The following LIPI variants were observed in gnomAD, a reference collection of about 807,000 sequenced individuals.
LIPI encodes lipase I, also known as lipase member I.
In LIPI, 59 loss-of-function variants were observed where a neutral mutation model predicts 50.6. That is an observed-to-expected ratio of 1.16 (90% CI 0.94 to 1.45). The LOEUF (loss-of-function observed/expected upper bound fraction) is 1.45. Ranked by LOEUF, LIPI falls within the 40% of genes most tolerant of loss-of-function variation. The pLI, the probability that LIPI is intolerant of heterozygous loss-of-function variation, is 0.00. For missense variants in LIPI, 586 were observed against 536.3 expected (o/e 1.09, Z -0.92); for synonymous variants, 203 against 178.2 (o/e 1.14, Z -1.11).
chr21:14,134,659 C>T (rs2017423425), intron 9 of LIPI, among the ~76,000 whole-genome samples: 1 of 151,976 alleles, frequency 6.6e-6, no homozygotes, highest in African/African-American at 2.4e-5. Context: ...CAACTGATCT[C>T]CAACAAAGTC....
At chr21:14,205,804 T>C (rs1011641135) in intron 1 of LIPI, among the ~76,000 whole-genome samples, 4 of 152,210 alleles carry the variant, frequency 2.6e-5, no homozygotes, top group South Asian at 4.1e-4. Context: ...AAACTGAATA[T>C]ATCTAAAACA....
At chr21:14,196,657 T>A (rs1001114189) in intron 1 of LIPI, among the ~76,000 whole-genome samples, 1 of 151,948 alleles carries the variant, frequency 6.6e-6, no homozygotes, top group African/African-American at 2.4e-5. Flanking sequence ...CAAGATGATG[T>A]CTTTACAAAA....
chr21:14,149,697 A>G (rs1185046975), intron 8 of LIPI, among the ~76,000 whole-genome samples: 1 of 152,230 alleles, frequency 6.6e-6, no homozygotes, highest in Admixed American at 6.5e-5. Context: ...CAAAGGGGCT[A>G]CAGGCCCCAT....
At chr21:14,165,654 A>G (rs1049848067) in intron 5 of LIPI, among the ~76,000 whole-genome samples, 3 of 152,240 alleles carry the variant, frequency 2.0e-5, no homozygotes, top group Admixed American at 2.0e-4. Flanking sequence ...GTGTTTCACA[A>G]GCTCTACACA....
intron 1 of LIPI, among the ~76,000 whole-genome samples, chr21:14,202,465 G>A (rs2020089558): frequency 6.6e-6 from 1 of 152,150 alleles, no homozygotes; most frequent in Non-Finnish European, 1.5e-5. Flanking sequence ...AAACAGCATG[G>A]TACTGGTACC....
At position 14,170,089 on chromosome 21, in the gene LIPI, G is replaced by T. The variant is rs924109485; in HGVS notation, c.644-3638C>A. 5.9e-5 allele frequency among the ~76,000 whole-genome samples: 9 copies of T among 151,960 alleles called. No individual in the cohort carries two copies. In the East Asian group the frequency reaches 7.7e-4, roughly 13 times the overall value. On this transcript the variant is annotated intron_variant, in intron 4 of 9. Coordinates refer to ENST00000681601, the MANE Select transcript of LIPI (RefSeq NM_001302998.2). ...CATCAGAGAATACTACAAACACCTC[G>T]ACGCAAATAAACTAGAAAATCTAGA...
chr21:14,123,642 C>G (rs540280841), intron 9 of LIPI, among the ~76,000 whole-genome samples: 127 of 152,234 alleles, frequency 8.3e-4, no homozygotes, highest in African/African-American at 3.1e-3. Context: ...GGAAAGATAA[C>G]AAATGGCCTC....
chr21:14,148,344 TA>T (rs2017976492), intron 8 of LIPI, among the ~76,000 whole-genome samples: 1 of 152,044 alleles, frequency 6.6e-6, no homozygotes, highest in Admixed American at 6.6e-5. Context: ...AAAAGGAAAA[TA>T]AAAGATCATT....
chr21:14,151,997 T>C (rs1480512292), intron 8 of LIPI, among the ~76,000 whole-genome samples: 8 of 151,964 alleles, frequency 5.3e-5, no homozygotes, highest in Non-Finnish European at 4.4e-5. Context: ...GAAGGCAATA[T>C]GGTTAGGAAA....
At chr21:14,155,185 CA>C (rs897408449) in intron 7 of LIPI, among the ~76,000 whole-genome samples, 18 of 151,784 alleles carry the variant, frequency 1.2e-4, no homozygotes, top group Non-Finnish European at 2.7e-4. Flanking sequence ...ATTACAGAAA[CA>C]AAAAATACAA....
chr21:14,199,652 G>A (rs1440926574), intron 1 of LIPI, among the ~76,000 whole-genome samples: 1 of 150,134 alleles, frequency 6.7e-6, no homozygotes, highest in Non-Finnish European at 1.5e-5. Flanking sequence ...TGTATTCACA[G>A]CTGAATTCTA....
intron 9 of LIPI, among the ~76,000 whole-genome samples, chr21:14,119,403 T>C (rs947701461): frequency 6.6e-6 from 1 of 152,194 alleles, no homozygotes; most frequent in African/African-American, 2.4e-5. Context: ...TTCAGTATCT[T>C]GGCTTTTACA....
At chr21:14,114,518 T>C (rs1359051699) in intron 9 of LIPI, among the ~76,000 whole-genome samples, 1 of 152,182 alleles carries the variant, frequency 6.6e-6, no homozygotes, top group African/African-American at 2.4e-5. Context: ...CAATTTACCC[T>C]TCTCTGGCAA....
intron 7 of LIPI, among the ~76,000 whole-genome samples, chr21:14,157,407 A>G (rs886565025): frequency 1.3e-5 from 2 of 151,972 alleles, no homozygotes; most frequent in Non-Finnish European, 2.9e-5. Flanking sequence ...TCCTTTAGCC[A>G]TCTTGGCAGA....
At chr21:14,149,794 C>T (rs993569004) in intron 8 of LIPI, among the ~76,000 whole-genome samples, 8 of 152,196 alleles carry the variant, frequency 5.3e-5, no homozygotes, top group Non-Finnish European at 1.0e-4. Context: ...TCAGGACACG[C>T]TGATGCAAGA....
Position 14,134,153 on chromosome 21 carries a change from C to A in LIPI, c.1295+10470G>T, listed in dbSNP as rs963110114. ...GGCTGAGGTGGGAGGATCACTTGGG[C>A]CCAAGAAGTCAAGGCTGTAGTGAAC... On this transcript the variant is annotated intron_variant, in intron 9 of 9. Transcript: ENST00000681601. Among the ~76,000 whole-genome samples, 4 of 152,096 alleles carry A rather than the reference C, an allele frequency of 2.6e-5. No individual in the cohort carries two copies. The South Asian group carries it at 6.2e-4, about 24-fold the overall frequency.
intron 9 of LIPI, among the ~76,000 whole-genome samples, chr21:14,125,098 T>C (rs1327221808): frequency 6.6e-6 from 1 of 152,232 alleles, no homozygotes; most frequent in East Asian, 1.9e-4. Context: ...AAAAATTCAC[T>C]ACCAGCACTA....
chr21:14,110,367 T>A (rs868755006), intron 9 of LIPI, among the ~76,000 whole-genome samples: 3,437 of 151,980 alleles, frequency 0.023, 125 homozygotes, highest in African/African-American at 0.077. Context: ...TATTTTAAAT[T>A]CATAAAATTC....
chr21:14,121,369 T>C (rs1230519651), intron 9 of LIPI, among the ~76,000 whole-genome samples: 3 of 152,176 alleles, frequency 2.0e-5, no homozygotes, highest in Non-Finnish European at 4.4e-5. Flanking sequence ...GTATTACCCA[T>C]GGTCCTTCTC....
Sources: allele counts gnomAD v4.1 joint callset (sites outside exome capture counted in the v4.1 genomes callset), GRCh38; gene constraint gnomAD v4.1.1; transcripts MANE v1.5; gene names NCBI Gene and HGNC (gene_info 2026-07-23, HGNC 2026-07-21).